AGO3: variants seen among roughly 807,000 people sequenced by gnomAD.
AGO3 encodes protein argonaute-3.
AGO3 carries 16 observed loss-of-function variants against 105.5 expected under a neutral mutation model. That is an observed-to-expected ratio of 0.15 (90% CI 0.10 to 0.23). AGO3 has a LOEUF of 0.23. AGO3 is among the 10% of genes least tolerant of loss of function. The pLI, the probability that AGO3 is intolerant of heterozygous loss-of-function variation, is 1.00. For missense variants in AGO3, 534 were observed against 1,088.0 expected (o/e 0.49, Z 7.16); for synonymous variants, 340 against 367.3 (o/e 0.93, Z 0.85).
intron 17 of AGO3, 63 bp from the exon 18 acceptor site, chr1:36,054,883 A>G (rs762365653): frequency 1.5e-4 from 230 of 1,535,228 alleles, no homozygotes; most frequent in Middle Eastern, 8.0e-4. Flanking sequence ...CTTTGTCTCA[A>G]AAAACAAAAC....
intron 1 of AGO3, 101 bp downstream of exon 1, chr1:35,931,546 CG>C: frequency 8.1e-7 from 1 of 1,237,910 alleles, no homozygotes; most frequent in South Asian, 2.4e-5. Flanking sequence ...AGGTGAGCGT[CG>C]GGCGGGCATC....
chr1:35,992,756 C>G (rs1647801646), intron 5 of AGO3, among the ~76,000 whole-genome samples: 1 of 152,212 alleles, frequency 6.6e-6, no homozygotes, highest in African/African-American at 2.4e-5. Flanking sequence ...CACTGCATAT[C>G]AAATTATTCC....
At chr1:35,966,840 A>G (rs1358248080) in intron 2 of AGO3, 115 bp from the exon 3 acceptor site, 5 of 1,212,124 alleles carry the variant, frequency 4.1e-6, no homozygotes, top group Non-Finnish European at 5.5e-6. Flanking sequence ...TTTATCATAT[A>G]TGAATATTTT....
chr1:36,049,255 CACGCCTGTA>C (rs1642600818), intron 17 of AGO3, among the ~76,000 whole-genome samples: 1 of 152,178 alleles, frequency 6.6e-6, no homozygotes, highest in African/African-American at 2.4e-5. Flanking sequence ...TGCAGTGGCT[CACGCCTGTA>C]ATCCCAGCAC....
At position 35,955,312 on chromosome 1, in the gene AGO3, C is replaced by T. The variant is rs1646544079; in HGVS notation, c.191+9449C>T. 2.6e-5 allele frequency among the ~76,000 whole-genome samples: 4 copies of T among 152,080 alleles called. No individual in the cohort carries two copies. In the South Asian group the frequency reaches 8.3e-4, roughly 32 times the overall value. Reference sequence around the variant, plus strand: ...CTTCAAACCATTGATCACACGTCCCCATTAATTAAAATTTGTTTGACCAAA... The same window carrying T: ...CTTCAAACCATTGATCACACGTCCCTATTAATTAAAATTTGTTTGACCAAA... On this transcript the variant is annotated intron_variant, in intron 2 of 18. Transcript: ENST00000373191.
At chr1:36,024,907 T>C (rs1201954132) in intron 11 of AGO3, among the ~76,000 whole-genome samples, 1 of 152,172 alleles carries the variant, frequency 6.6e-6, no homozygotes, top group African/African-American at 2.4e-5. Flanking sequence ...CTCCCTGGCC[T>C]TTTTAACCTG....
At chr1:35,961,546 C>A (rs1403033809) in intron 2 of AGO3, among the ~76,000 whole-genome samples, 1 of 152,148 alleles carries the variant, frequency 6.6e-6, no homozygotes, top group Non-Finnish European at 1.5e-5. Context: ...AAAACTTATT[C>A]TGTAATTTTC....
intron 16 of AGO3, among the ~76,000 whole-genome samples, chr1:36,042,458 C>G (rs1642289370): frequency 6.6e-6 from 1 of 152,170 alleles, no homozygotes; most frequent in Non-Finnish European, 1.5e-5. Context: ...TTTTTTAGGA[C>G]CAGGCATAAT....
chr1:36,022,814 C>G (rs1289854421), intron 11 of AGO3, among the ~76,000 whole-genome samples: 1 of 151,766 alleles, frequency 6.6e-6, no homozygotes. Context: ...CACCTGTAAT[C>G]TCAGCTACTC....
intron 5 of AGO3, among the ~76,000 whole-genome samples, chr1:35,980,550 GCTCATATGAATAAGGC>G (rs1647034883): frequency 6.6e-6 from 1 of 152,152 alleles, no homozygotes; most frequent in Non-Finnish European, 1.5e-5. Context: ...TTCAAGAAAT[GCTCATATGAATAAGGC>G]CTGAGTTATC....
intron 16 of AGO3, 52 bp downstream of exon 16, chr1:36,040,493 G>A (rs1161477755): frequency 6.3e-7 from 1 of 1,593,452 alleles, no homozygotes; most frequent in South Asian, 1.1e-5. Flanking sequence ...ATCCAACATA[G>A]TTCATAGAGC....
intron 2 of AGO3, among the ~76,000 whole-genome samples, chr1:35,948,788 T>A (rs542440949): frequency 7.5e-4 from 114 of 152,244 alleles, no homozygotes; most frequent in Non-Finnish European, 1.3e-3. Context: ...TTACATTACA[T>A]CTTTAGGTTG....
intron 1 of AGO3, among the ~76,000 whole-genome samples, chr1:35,936,710 GTCTATTGA>G (rs1646154147): frequency 6.6e-6 from 1 of 152,138 alleles, no homozygotes; most frequent in African/African-American, 2.4e-5. Context: ...GGTATCTACA[GTCTATTGA>G]TGTGAGACAT....
intron 2 of AGO3, among the ~76,000 whole-genome samples, chr1:35,947,612 A>T (rs1378045556): frequency 6.6e-6 from 1 of 152,164 alleles, no homozygotes; most frequent in Non-Finnish European, 1.5e-5. Context: ...CATGAGTGTG[A>T]TGGTGGGGGA....
At chr1:35,970,592 T>G (rs920205443) in intron 3 of AGO3, among the ~76,000 whole-genome samples, 1 of 152,232 alleles carries the variant, frequency 6.6e-6, no homozygotes, top group African/African-American at 2.4e-5. Flanking sequence ...GTATACATAC[T>G]GTGTTCAAGA....
chr1:35,930,899 T>G (rs1422159606), upstream of AGO3: 1 of 250,568 alleles, frequency 4.0e-6, no homozygotes, highest in Non-Finnish European at 7.5e-6. Flanking sequence ...CCCTCCGCGT[T>G]GTCTCCGGCC....
chr1:35,999,054 T>A (rs529146594), intron 5 of AGO3, among the ~76,000 whole-genome samples: 1 of 152,300 alleles, frequency 6.6e-6, no homozygotes, highest in African/African-American at 2.4e-5. Context: ...GAGCAGACCT[T>A]ATTCTTAAGA....
Position 35,931,377 on chromosome 1 carries a change from G to A in AGO3, c.-50G>A. The A allele has an allele frequency of 1.4e-6, 2 of 1,409,486 alleles. No individual in the cohort carries two copies. The highest frequency in any genetic ancestry group is 1.6e-5 in the South Asian group (1 of 62,282). 87.3% of individuals were successfully genotyped at this position (1,409,486 alleles called of 1,614,324 possible). ...TCGCCCCCCGGGCCGCCTCCTTGCC[G>A]CCAGTGGCGGGCTCCGTTCTCCCTC... On this transcript the variant is annotated 5_prime_UTR_variant, in exon 1 of 19. Coordinates refer to ENST00000373191, the MANE Select transcript of AGO3 (RefSeq NM_024852.4).
At position 35,945,920 on chromosome 1, in the gene AGO3, A is replaced by G. The variant is rs1009213582; in HGVS notation, c.191+57A>G. On this transcript the variant is annotated intron_variant, in intron 2 of 18. Transcript: ENST00000373191. ...CTATTTTTTTCCTTAGTAATTATCCATGTTTATTTTGTATATCTGAATAAC... is the reference window on the plus strand; with the variant it reads ...CTATTTTTTTCCTTAGTAATTATCCGTGTTTATTTTGTATATCTGAATAAC... 1.7e-5 allele frequency: 25 copies of G among 1,513,328 alleles called. No individual in the cohort carries two copies. In the Admixed American group the frequency reaches 1.7e-4, roughly 10 times the overall value. The allele number at this position is 1,513,328 out of a possible 1,614,324, so 93.7% of individuals were successfully genotyped here. A position where few individuals can be genotyped will look rare whatever the true frequency, so the allele number is the denominator to read the frequency against.
Sources: gnomAD v4.1 joint callset for allele counts (sites outside exome capture counted in the v4.1 genomes callset) on GRCh38, gnomAD v4.1.1 for gene constraint, MANE v1.5 for transcripts, NCBI Gene and HGNC (gene_info 2026-07-23, HGNC 2026-07-21) for gene names.